The following TNFRSF10B variants were observed in gnomAD, a reference collection of about 807,000 sequenced individuals.
The protein encoded by TNFRSF10B is TNF receptor superfamily member 10b, also known as tumor necrosis factor receptor superfamily member 10B.
A neutral mutation model predicts 41.4 loss-of-function variants in TNFRSF10B; 35 were observed. The ratio of observed to expected loss-of-function variants is 0.85; its 90% CI spans 0.65 to 1.12. The LOEUF is 1.12. TNFRSF10B is among the 50% of genes most tolerant of loss of function. The pLI is 0.00. For synonymous variants in TNFRSF10B, 230 were observed against 215.5 expected (o/e 1.07, Z -0.59); for missense variants, 584 against 552.7 (o/e 1.06, Z -0.57).
chr8:23,043,207 G>A lies in TNFRSF10B; in HGVS notation c.181C>T (p.Leu61=). ...AESALITQQD[L]APQQRAAPQQ... ...GGGGCCGCTCTCTGCTGGGGAGCTA[G>A]GTCTTGTTGGGTGATCAGAGCAGAC... The change falls in exon 2 of 9, where the codon CTA becomes TTA. Residue 61 remains leucine (L), a synonymous_variant. Coordinates refer to ENST00000276431, the MANE Select transcript of TNFRSF10B (RefSeq NM_003842.5). The A allele has an allele frequency of 1.2e-6, 2 of 1,614,106 alleles. No homozygotes were observed. Among genetic ancestry groups the A allele is most frequent in the Non-Finnish European group, 1.7e-6 (2 of 1,180,020 alleles).
chr8:23,043,720 A>C (rs969263337), intron 1 of TNFRSF10B, among the ~76,000 whole-genome samples: 1 of 152,242 alleles, frequency 6.6e-6, no homozygotes, highest in Non-Finnish European at 1.5e-5. Flanking sequence ...TAAATAGTGA[A>C]CTTCTGATTT....
chr8:23,049,976 T>A (rs955338185), intron 1 of TNFRSF10B: 4 of 152,268 alleles, frequency 2.6e-5, no homozygotes, highest in Non-Finnish European at 5.9e-5. Context: ...TCCCAGCAGC[T>A]GTCAGGTGAG....
chr8:23,036,102 T>C (rs1812023552), intron 2 of TNFRSF10B, among the ~76,000 whole-genome samples: 1 of 152,192 alleles, frequency 6.6e-6, no homozygotes, highest in African/African-American at 2.4e-5. Flanking sequence ...ACTACTCTCC[T>C]TTTGAGAAAC....
intron 1 of TNFRSF10B, among the ~76,000 whole-genome samples, chr8:23,045,333 G>C (rs535408436): frequency 3.9e-5 from 6 of 151,960 alleles, no homozygotes; most frequent in African/African-American, 1.4e-4. Flanking sequence ...TGAACCACCC[G>C]GAAGAAATGG....
Position 23,029,636 on chromosome 8 carries a change from A to G in TNFRSF10B, c.450T>C (p.Pro150=). Residue 150 remains proline (P), a synonymous_variant, in exon 4 of 9, where the codon CCT becomes CCC. Coordinates refer to ENST00000276431, the MANE Select transcript of TNFRSF10B (RefSeq NM_003842.5). ...CTGTGCGGCACTTCCGGCACATCTCAGGAGAATCTTCTTCCCGGAAGGTGC... is the reference window on the plus strand; with the variant it reads ...CTGTGCGGCACTTCCGGCACATCTCGGGAGAATCTTCTTCCCGGAAGGTGC... ...EEGTFREEDS[P]EMCRKCRTGC... The G allele has an allele frequency of 6.2e-7, 1 of 1,612,830 alleles. No individual in the cohort carries two copies. The highest frequency in any genetic ancestry group is 8.5e-7 in the Non-Finnish European group (1 of 1,179,532).
At position 23,021,303 on chromosome 8, in the gene TNFRSF10B, G is replaced by C. The variant is rs966267784; in HGVS notation, c.*1368C>G. 6.6e-6 allele frequency: 3 copies of C among 454,026 alleles called. No homozygotes were observed. Among genetic ancestry groups the C allele is most frequent in the Admixed American group, 2.3e-5 (1 of 42,560 alleles). 28.1% of individuals were successfully genotyped at this position (454,026 alleles called of 1,614,324 possible). On this transcript the variant is annotated 3_prime_UTR_variant, in exon 9 of 9. Transcript: ENST00000276431. Reference sequence around the variant, plus strand: ...TTCTGAGATGAGTCAGATGCTTACAGAGCGGCCAAGGTCCTCAAGTAGGCA... The same window carrying C: ...TTCTGAGATGAGTCAGATGCTTACACAGCGGCCAAGGTCCTCAAGTAGGCA...
chr8:23,052,918 G>C (rs1275336857), intron 1 of TNFRSF10B, among the ~76,000 whole-genome samples: 1 of 152,146 alleles, frequency 6.6e-6, no homozygotes. Context: ...AAAGAAAAGA[G>C]AATTTATACA....
chr8:23,050,167 G>C (rs1475729966), intron 1 of TNFRSF10B, among the ~76,000 whole-genome samples: 1 of 152,240 alleles, frequency 6.6e-6, no homozygotes, highest in African/African-American at 2.4e-5. Flanking sequence ...GTACTGCCAA[G>C]GGAAGCAACA....
At position 23,053,667 on chromosome 8, in the gene TNFRSF10B, TA is replaced by T. The variant is rs550242992; in HGVS notation, c.145-10425del. 2.4e-4 allele frequency among the ~76,000 whole-genome samples: 36 copies of T among 152,298 alleles called. No individual in the cohort carries two copies. In the East Asian group the frequency reaches 6.7e-3, roughly 29 times the overall value. The stretch of plus-strand genomic sequence containing the variant: ...CTGTTTAACAAAAATTGTAAAGAGT[TA>T]TGAAAGGTCTATAAAACTCTTACTT... On this transcript the variant is annotated intron_variant, in intron 1 of 8. Transcript: ENST00000276431.
intron 1 of TNFRSF10B, among the ~76,000 whole-genome samples, chr8:23,052,426 C>CAGT (rs2128818631): frequency 6.6e-6 from 1 of 152,058 alleles, no homozygotes; most frequent in East Asian, 1.9e-4. Flanking sequence ...GGTGGGACTA[C>CAGT]AGGTGCCCAC....
At position 23,054,596 on chromosome 8, in the gene TNFRSF10B, A is replaced by G. The variant is rs146044962; in HGVS notation, c.145-11353T>C. Reference sequence around the variant, plus strand: ...ACTTTGCTCTCCTTTAAGGAATCAAACTTGACTTAGGAAGCCAAGAAAGCC... The same window carrying G: ...ACTTTGCTCTCCTTTAAGGAATCAAGCTTGACTTAGGAAGCCAAGAAAGCC... On this transcript the variant is annotated intron_variant, in intron 1 of 8. Transcript: ENST00000276431. 7.1e-3 allele frequency among the ~76,000 whole-genome samples: 1,081 copies of G among 152,284 alleles called. 17 individuals are homozygous for G. Among genetic ancestry groups the G allele is most frequent in the African/African-American group, 0.024 (998 of 41,552 alleles).
At position 23,028,420 on chromosome 8, in the gene TNFRSF10B, A is replaced by T; in HGVS notation, c.659T>A (p.Val220Asp). The change falls in exon 5 of 9, where the codon GTT becomes GAT. Residue 220 changes from valine to aspartate, a missense_variant. Transcript: ENST00000276431. The part of the protein sequence containing the change: ...SLSGIIIGVT[V>D]AAVVLIVAVF... ...AGCCACAATCAAGACTACGGCTGCA[A>T]CTGTGACTCCTATGATGATGCCTGA... 1 of 1,614,170 alleles carries T rather than the reference A, an allele frequency of 6.2e-7. No individual in the cohort carries two copies. The highest frequency in any genetic ancestry group is 8.5e-7 in the Non-Finnish European group (1 of 1,180,002).
intron 1 of TNFRSF10B, among the ~76,000 whole-genome samples, chr8:23,046,979 T>C (rs746293038): frequency 6.6e-6 from 1 of 152,200 alleles, no homozygotes; most frequent in Non-Finnish European, 1.5e-5. Context: ...GACTTAAATA[T>C]ATGACCTTAA....
rs148223557 is a variant in TNFRSF10B, at chr8:23,037,284, C to T, written c.250+5854G>A. ...GCTTAACAATACAGACTTCCCTCAC[C>T]AAGGCCAACCTGGCTACAGCTGCTA... On this transcript the variant is annotated intron_variant, in intron 2 of 8. Transcript: ENST00000276431. Among the ~76,000 whole-genome samples the T allele has an allele frequency of 2.5e-3, 384 of 152,246 alleles. 2 individuals carry two copies. Among genetic ancestry groups the T allele is most frequent in the Non-Finnish European group, 3.4e-3 (234 of 68,008 alleles).
At chr8:23,027,359 C>T in intron 6 of TNFRSF10B, 71 bp from the exon 7 acceptor site, 2 of 1,577,268 alleles carry the variant, frequency 1.3e-6, no homozygotes, top group South Asian at 2.2e-5. Context: ...GCAGGGTCCT[C>T]AGTATGCAGC....
rs1237680560 is a variant in TNFRSF10B at position 23,068,884 on chromosome 8, C to T, written c.11G>A (p.Arg4Gln). 12 of 1,613,542 alleles carry T rather than the reference C, an allele frequency of 7.4e-6. No individual in the cohort carries two copies. Among genetic ancestry groups the T allele is most frequent in the South Asian group, 5.5e-5 (5 of 91,088 alleles). The change falls in exon 1 of 9, where the codon CGG (arginine) becomes CAG (glutamine). Residue 4 changes from arginine (R) to glutamine (Q), a missense_variant. Transcript: ENST00000276431. ...CGAAGCGGCCGGGGCGTTCTGTCCCCGTTGTTCCATGGCGGTAGGGAACGC... is the reference window on the plus strand; with the variant it reads ...CGAAGCGGCCGGGGCGTTCTGTCCCTGTTGTTCCATGGCGGTAGGGAACGC... The part of the protein sequence containing the change: MEQ[R>Q]GQNAPAASGA...
chr8:23,064,905 T>C (rs137991253), intron 1 of TNFRSF10B, among the ~76,000 whole-genome samples: 2 of 152,318 alleles, frequency 1.3e-5, no homozygotes, highest in East Asian at 1.9e-4. Context: ...ACCCTCAATG[T>C]TGATTTTAAG....
rs1270408021 is a variant in TNFRSF10B at position 23,022,515 on chromosome 8, G to A, written c.*156C>T. ...TGCCAAGTGCAGTGAAAAGTTACAGGATGTTCCATCCACTGGGTGATGTTG... is the reference window on the plus strand; with the variant it reads ...TGCCAAGTGCAGTGAAAAGTTACAGAATGTTCCATCCACTGGGTGATGTTG... On this transcript the variant is annotated 3_prime_UTR_variant, in exon 9 of 9. Coordinates refer to ENST00000276431, the MANE Select transcript of TNFRSF10B (RefSeq NM_003842.5). The A allele has an allele frequency of 3.8e-6, 3 of 779,440 alleles. No homozygotes were observed. The Admixed American group carries it at 6.0e-5, about 16-fold the overall frequency. The allele number at this position is 779,440 out of a possible 1,614,324, so 48.3% of individuals were successfully genotyped here. A position where few individuals can be genotyped will look rare whatever the true frequency, so the allele number is the denominator to read the frequency against.
intron 7 of TNFRSF10B, among the ~76,000 whole-genome samples, chr8:23,025,422 G>C: frequency 6.6e-6 from 1 of 152,202 alleles, no homozygotes; most frequent in East Asian, 1.9e-4. Flanking sequence ...CTATGTGGGC[G>C]GGAGGGGTAC....
Sources: allele counts gnomAD v4.1 joint callset (sites outside exome capture counted in the v4.1 genomes callset), GRCh38; gene constraint gnomAD v4.1.1; transcripts MANE v1.5; gene names NCBI Gene and HGNC (gene_info 2026-07-23, HGNC 2026-07-21).